Variants in ABCB5 observed in about 807,000 individuals in gnomAD.
ABCB5 encodes ATP binding cassette subfamily B member 5.
A neutral mutation model predicts 144.2 loss-of-function variants in ABCB5; 155 were observed. That is an observed-to-expected ratio of 1.08 (90% confidence interval 0.94 to 1.23). The LOEUF (loss-of-function observed/expected upper bound fraction) is 1.23. Ranked by LOEUF, ABCB5 falls within the 50% of genes most tolerant of loss-of-function variation. The pLI is 0.00. For synonymous variants in ABCB5, 610 were observed against 528.6 expected, an observed-to-expected ratio of 1.15 and a Z score of -2.11; for missense variants, 1,830 against 1,520.8, an observed-to-expected ratio of 1.20 and a Z score of -3.38.
intron 17 of ABCB5, 28 bp from the exon 18 acceptor site, chr7:20,699,797 C>A (rs546586498): frequency 3.4e-6 from 5 of 1,456,974 alleles, no homozygotes; most frequent in Non-Finnish European, 4.7e-6. Flanking sequence ...TTCCCCCAAA[C>A]ACCTGATAAA....
chr7:20,676,623 G>A (rs2128037462), intron 14 of ABCB5, among the ~76,000 whole-genome samples: 1 of 152,176 alleles, frequency 6.6e-6, no homozygotes, highest in African/African-American at 2.4e-5. Context: ...CTGTTCAGTG[G>A]GAATAAAATT....
chr7:20,720,138 T>C (rs958803460), intron 20 of ABCB5, among the ~76,000 whole-genome samples: 2 of 152,118 alleles, frequency 1.3e-5, no homozygotes, highest in Non-Finnish European at 2.9e-5. Context: ...AAAATCATTT[T>C]GTGTCAGAAA....
intron 20 of ABCB5, among the ~76,000 whole-genome samples, chr7:20,714,785 T>C (rs1276685419): frequency 1.3e-5 from 2 of 152,180 alleles, no homozygotes; most frequent in Non-Finnish European, 2.9e-5. Flanking sequence ...CGTAGAAAGT[T>C]CTTGTGTCCC....
At chr7:20,626,083 T>G (rs190825156) in intron 2 of ABCB5, among the ~76,000 whole-genome samples, 3 of 152,316 alleles carry the variant, frequency 2.0e-5, no homozygotes, top group Admixed American at 2.0e-4. Context: ...GCTATATGAT[T>G]CTATTTTTCT....
intron 23 of ABCB5, among the ~76,000 whole-genome samples, chr7:20,731,830 C>A (rs1782232717): frequency 6.6e-6 from 1 of 152,136 alleles, no homozygotes; most frequent in African/African-American, 2.4e-5. Context: ...TCTTCTCATC[C>A]TCTTCACACT....
chr7:20,671,694 G>C (rs774125988), intron 14 of ABCB5, among the ~76,000 whole-genome samples: 15 of 152,150 alleles, frequency 9.9e-5, no homozygotes, highest in Non-Finnish European at 1.6e-4. Context: ...TTATGACTAT[G>C]CCACAATTTA....
chr7:20,643,727 G>C (rs978959102), intron 7 of ABCB5, 95 bp downstream of exon 7: 2 of 1,357,242 alleles, frequency 1.5e-6, no homozygotes, highest in Non-Finnish European at 1.0e-6. Flanking sequence ...CTATTCACTT[G>C]CCATGTCCCA....
intron 4 of ABCB5, among the ~76,000 whole-genome samples, 184 bp downstream of exon 4, chr7:20,629,022 G>A (rs1783972230): frequency 1.3e-5 from 2 of 151,884 alleles, no homozygotes; most frequent in African/African-American, 2.4e-5. Flanking sequence ...GACCACAGAG[G>A]TCTATAATTG....
At chr7:20,704,076 T>TTTTTTTTTTTTTTC (rs1207027333) in intron 19 of ABCB5, among the ~76,000 whole-genome samples, 4,876 of 43,482 alleles carry the variant, frequency 0.11, 550 homozygotes, top group Non-Finnish European at 0.15. Context: ...ATTGCCTTCC[T>TTTTTTTTTTTTTTC]TTTTTTTTTT....
At chr7:20,637,939 T>C (rs538270938) in intron 5 of ABCB5, among the ~76,000 whole-genome samples, 1 of 152,174 alleles carries the variant, frequency 6.6e-6, no homozygotes, top group Non-Finnish European at 1.5e-5. Context: ...AAGGGTGGCT[T>C]CATTTCTTGA....
At chr7:20,700,218 T>C in intron 19 of ABCB5, 83 bp downstream of exon 19, 1 of 1,183,972 alleles carries the variant, frequency 8.4e-7, no homozygotes, top group Non-Finnish European at 1.2e-6. Context: ...TCAAGTCAAT[T>C]TTTGACATAA....
Position 20,647,980 on chromosome 7 carries a change from G to C in ABCB5, c.1108G>C (p.Asp370His). ...FQVIDKKPSIDNFSTAGYKPE... is the reference protein window; with the variant it reads ...FQVIDKKPSIHNFSTAGYKPE... The stretch of plus-strand genomic sequence containing the variant: ...TTGTTTTTCCAAGAAACCCAGTATA[G>C]ATAACTTTTCCACAGCTGGATATAA... Residue 370 changes from aspartate to histidine, a missense_variant, in exon 11 of 28, where the codon GAT becomes CAT. By Grantham distance (81) the Asp-to-His change is moderately conservative. Coordinates refer to ENST00000404938, the MANE Select transcript of ABCB5 (RefSeq NM_001163941.2). 6.2e-7 allele frequency: 1 copy of C among 1,601,212 alleles called. No homozygotes were observed. Among genetic ancestry groups the C allele is most frequent in the African/African-American group, 1.3e-5 (1 of 74,794 alleles).
chr7:20,711,905 C>A (rs1787086112), intron 20 of ABCB5, among the ~76,000 whole-genome samples: 1 of 121,512 alleles, frequency 8.2e-6, no homozygotes, highest in East Asian at 2.9e-4. Context: ...TCCTTCCTTC[C>A]TTCCTTTCTT....
chr7:20,646,069 T>A lies in ABCB5; in HGVS notation c.912T>A (p.Leu304=). ...TCTTTATGAATGGAACCTATGGACT[T>A]GCTTTTTGGTATGGAACCTCCTTGA... The part of the protein sequence containing the change: ...VYFFMNGTYG[L]AFWYGTSLIL... Residue 304 remains leucine (L), a synonymous_variant, in exon 9 of 28, where the codon CTT becomes CTA. Coordinates refer to ENST00000404938, the MANE Select transcript of ABCB5 (RefSeq NM_001163941.2). 6.2e-7 allele frequency: 1 copy of A among 1,613,872 alleles called. No homozygotes were observed. The highest frequency in any genetic ancestry group is 8.5e-7 in the Non-Finnish European group (1 of 1,179,794).
In ABCB5 at chr7:20,704,075, C is replaced by CTTTTTTTTTTTTTTTTTTTTTTTTT. The variant is rs71020669; in HGVS notation, c.2338-633_2338-632insTTTTTTTTTTTTTTTTTTTTTTTTT. 3.3e-4 allele frequency among the ~76,000 whole-genome samples: 27 copies of CTTTTTTTTTTTTTTTTTTTTTTTTT among 80,762 alleles called. 4 individuals carry two copies. The highest frequency in any genetic ancestry group is 1.2e-3 in the South Asian group (2 of 1,632). 53.0% of individuals were successfully genotyped at this position (80,762 alleles called of 152,430 possible). ...CTAAATTGTGTTGTTTATTGCCTTC[C>CTTTTTTTTTTTTTTTTTTTTTTTTT]TTTTTTTTTTTTTTTTGTGAGACAG... On this transcript the variant is annotated intron_variant, in intron 19 of 27. Coordinates refer to ENST00000404938, the MANE Select transcript of ABCB5 (RefSeq NM_001163941.2).
intron 20 of ABCB5, 100 bp from the exon 21 acceptor site, chr7:20,722,916 T>C: frequency 1.0e-6 from 1 of 977,810 alleles, no homozygotes; most frequent in Non-Finnish European, 1.5e-6. Flanking sequence ...ATAAATTCTT[T>C]TTTTAAAAAG....
intron 16 of ABCB5, 103 bp from the exon 17 acceptor site, chr7:20,698,304 T>C: frequency 1.0e-6 from 1 of 980,466 alleles, no homozygotes; most frequent in South Asian, 2.8e-5. Context: ...CTGTCTGTTA[T>C]GTTTGATGTT....
At position 20,643,603 on chromosome 7, in the gene ABCB5, A is replaced by T. The variant is rs1467423980; in HGVS notation, c.649A>T (p.Ile217Leu). ...TLVTLSTSPLIMASAAACSRM... is the reference protein window; with the variant it reads ...TLVTLSTSPLLMASAAACSRM... ...AGTGACTCTATCCACGTCTCCTCTT[A>T]TAATGGCTTCAGCGGCAGCATGTTC... Residue 217 changes from isoleucine (I) to leucine (L), a missense_variant, in exon 7 of 28, where the codon ATA becomes TTA. By Grantham distance (5) the Ile-to-Leu change is conservative. Transcript: ENST00000404938. The T allele has an allele frequency of 5.0e-6, 8 of 1,614,000 alleles. No individual in the cohort carries two copies. Among genetic ancestry groups the T allele is most frequent in the East Asian group, 2.2e-5 (1 of 44,882 alleles).
rs774574581 is a variant in ABCB5 at position 20,651,637 on chromosome 7, G to T, written c.1536+14G>T. ...GAGTTTCCTAATGTGAGTACACTGT[G>T]CAGCCTGTGTCCTTAGCTTATGGTG... On this transcript the variant is annotated intron_variant, in intron 13 of 27. Coordinates refer to ENST00000404938, the MANE Select transcript of ABCB5 (RefSeq NM_001163941.2). The T allele has an allele frequency of 6.2e-7, 1 of 1,612,994 alleles. No individual in the cohort carries two copies. Among genetic ancestry groups the T allele is most frequent in the East Asian group, 2.2e-5 (1 of 44,872 alleles).
Sources: allele counts gnomAD v4.1 joint callset (sites outside exome capture counted in the v4.1 genomes callset), GRCh38; gene constraint gnomAD v4.1.1; transcripts MANE v1.5; gene names NCBI Gene and HGNC (gene_info 2026-07-23, HGNC 2026-07-21).